Variants in SMYD1 observed in about 807,000 individuals in gnomAD.
SMYD1 encodes the protein histone-lysine N-methyltransferase SMYD1.
A neutral mutation model predicts 54.0 loss-of-function variants in SMYD1; 49 were observed. The ratio of observed to expected loss-of-function variants is 0.91; its 90% CI spans 0.72 to 1.15. SMYD1 has a LOEUF of 1.15. Ranked by LOEUF, SMYD1 falls within the 50% of genes most tolerant of loss-of-function variation. The pLI is 0.00. For synonymous variants in SMYD1, 269 were observed against 234.2 expected, an observed-to-expected ratio of 1.15 and a Z score of -1.36; for missense variants, 653 against 639.6, an observed-to-expected ratio of 1.02 and a Z score of -0.23.
At chr2:88,108,236 C>T (rs78103579) in intron 8 of SMYD1, 135 bp from the exon 9 acceptor site, 45,068 of 773,816 alleles carry the variant, frequency 0.058, 1,534 homozygotes, top group Non-Finnish European at 0.067. Flanking sequence ...TCCCCCTTGG[C>T]GGCTACAGAA....
chr2:88,097,972 A>G (rs1183279801), intron 6 of SMYD1, among the ~76,000 whole-genome samples: 3 of 152,162 alleles, frequency 2.0e-5, no homozygotes, highest in Non-Finnish European at 2.9e-5. Flanking sequence ...TTCTATAGGA[A>G]CAACCTCTTT....
At chr2:88,088,859 G>A (rs921072165) in intron 3 of SMYD1, among the ~76,000 whole-genome samples, 6 of 152,132 alleles carry the variant, frequency 3.9e-5, no homozygotes, top group South Asian at 2.1e-4. Context: ...ATAAGAGTCC[G>A]GGAAGTGGGG....
chr2:88,112,352 C>A lies in SMYD1; in HGVS notation c.*1840C>A. 1 of 578,192 alleles carries A rather than the reference C, an allele frequency of 1.7e-6. No individual in the cohort carries two copies. The highest frequency in any genetic ancestry group is 2.1e-5 in the South Asian group (1 of 47,174). The allele number at this position is 578,192 out of a possible 1,614,324, so 35.8% of individuals were successfully genotyped here. A position where few individuals can be genotyped will look rare whatever the true frequency, so the allele number is the denominator to read the frequency against. ...TTTGTTGTCTTTAACAAACTGTGTT[C>A]TGTGTCTGTGCTCCTCCTTCCCTCT... On this transcript the variant is annotated 3_prime_UTR_variant, in exon 10 of 10. Coordinates refer to ENST00000419482, the MANE Select transcript of SMYD1 (RefSeq NM_198274.4).
chr2:88,106,731 C>T (rs1340869874), intron 8 of SMYD1, among the ~76,000 whole-genome samples: 3 of 152,186 alleles, frequency 2.0e-5, no homozygotes, highest in African/African-American at 7.2e-5. Flanking sequence ...AATTCTCCAG[C>T]ACATCTATCA....
chr2:88,099,899 GCCCTC>G (rs1173268744), intron 6 of SMYD1, among the ~76,000 whole-genome samples: 1 of 147,878 alleles, frequency 6.8e-6, no homozygotes, highest in East Asian at 2.0e-4. Flanking sequence ...CTTTCATCTG[GCCCTC>G]CCCTTGTCCT....
Position 88,112,215 on chromosome 2 carries a change from C to T in SMYD1, c.*1703C>T, listed in dbSNP as rs1175061053. ...GTTCAAATTATCACTCTTTTACCTT[C>T]ATATAAAATGTCTCCCCCAAACCTT... On this transcript the variant is annotated 3_prime_UTR_variant, in exon 10 of 10. Coordinates refer to ENST00000419482, the MANE Select transcript of SMYD1 (RefSeq NM_198274.4). The T allele has an allele frequency of 1.4e-6, 1 of 694,676 alleles. No individual in the cohort carries two copies. The highest frequency in any genetic ancestry group is 2.7e-5 in the East Asian group (1 of 37,096). The allele number at this position is 694,676 out of a possible 1,614,324, so 43.0% of individuals were successfully genotyped here. A position where few individuals can be genotyped will look rare whatever the true frequency, so the allele number is the denominator to read the frequency against.
intron 6 of SMYD1, 75 bp downstream of exon 6, chr2:88,096,859 A>G (rs1674601946): frequency 6.8e-7 from 1 of 1,461,548 alleles, no homozygotes; most frequent in Non-Finnish European, 9.3e-7. Flanking sequence ...TTCACAGCTA[A>G]TCCGTGTGCC....
rs186217134 is a variant in SMYD1 at position 88,067,973 on chromosome 2, C to T, written c.109C>T (p.Arg37Trp). The T allele has an allele frequency of 5.0e-6, 8 of 1,613,662 alleles. No individual in the cohort carries two copies. The East Asian group carries it at 1.1e-4, about 22-fold the overall frequency. ...FWAADIIFAERAYSAVVFDSL... is the reference protein window; with the variant it reads ...FWAADIIFAEWAYSAVVFDSL... ...GGCTGCAGATATCATCTTTGCTGAG[C>T]GGGCTTATTCCGCAGTGGTTTTTGA... The change falls in exon 1 of 10, where the codon CGG (arginine) becomes TGG (tryptophan). Residue 37 changes from arginine (R) to tryptophan (W), a missense_variant. Transcript: ENST00000419482.
Position 88,088,023 on chromosome 2 carries a change from C to A in SMYD1, c.476C>A (p.Pro159Gln), listed in dbSNP as rs144667347. The change falls in exon 3 of 10, where the codon CCG (proline) becomes CAG (glutamine). Residue 159 changes from proline to glutamine, a missense_variant. Physicochemically the swap from Pro to Gln is moderately conservative, Grantham distance 76. Coordinates refer to ENST00000419482, the MANE Select transcript of SMYD1 (RefSeq NM_198274.4). ...GTGGACACATTCTTGCAGTACTGGC[C>A]GCCGCAGAGCCAGCAGTTCAGCATG... is the stretch of plus-strand genomic sequence containing the variant. ...VDVDTFLQYW[P>Q]PQSQQFSMQY... The A allele has an allele frequency of 6.2e-7, 1 of 1,614,096 alleles. No individual in the cohort carries two copies. Among genetic ancestry groups the A allele is most frequent in the Non-Finnish European group, 8.5e-7 (1 of 1,180,020 alleles).
At chr2:88,075,372 G>A (rs897970842) in intron 1 of SMYD1, among the ~76,000 whole-genome samples, 5 of 152,164 alleles carry the variant, frequency 3.3e-5, no homozygotes, top group South Asian at 4.1e-4. Flanking sequence ...ATGAATTGAG[G>A]GGGGTGCTTC....
intron 4 of SMYD1, among the ~76,000 whole-genome samples, chr2:88,092,463 C>A (rs1215117026): frequency 1.3e-5 from 2 of 152,216 alleles, no homozygotes; most frequent in East Asian, 3.9e-4. Context: ...GAGCCATCAA[C>A]AATGAGCAAG....
Position 88,099,300 on chromosome 2 carries a change from G to A in SMYD1, c.888+2516G>A, listed in dbSNP as rs540500090. Among the ~76,000 whole-genome samples, 22 of 152,024 alleles carry A rather than the reference G, an allele frequency of 1.4e-4. No individual in the cohort carries two copies. The South Asian group carries it at 4.6e-3, about 32-fold the overall frequency. ...GGGGTTTCACCATGTTGCCTAGGCT[G>A]GTCTCAAATTCCTGGCCTCAAGTGA... On this transcript the variant is annotated intron_variant, in intron 6 of 9. Transcript: ENST00000419482.
chr2:88,068,921 T>C (rs1673890491), intron 1 of SMYD1, among the ~76,000 whole-genome samples: 1 of 152,194 alleles, frequency 6.6e-6, no homozygotes, highest in Non-Finnish European at 1.5e-5. Context: ...AAATCCTTGA[T>C]CGTGTCTACC....
At chr2:88,098,786 C>T (rs929097415) in intron 6 of SMYD1, among the ~76,000 whole-genome samples, 2 of 152,102 alleles carry the variant, frequency 1.3e-5, no homozygotes, top group Non-Finnish European at 2.9e-5. Flanking sequence ...TAACCATTTC[C>T]TCAAGCTGGA....
intron 1 of SMYD1, among the ~76,000 whole-genome samples, chr2:88,070,684 C>T (rs1047438510): frequency 3.3e-5 from 5 of 151,922 alleles, no homozygotes; most frequent in Non-Finnish European, 7.4e-5. Context: ...TGGCTCATGT[C>T]TGTATTCCCA....
chr2:88,109,160 G>A (rs1388146957), intron 9 of SMYD1, among the ~76,000 whole-genome samples: 2 of 152,164 alleles, frequency 1.3e-5, no homozygotes, highest in Non-Finnish European at 2.9e-5. Context: ...TCTGTCCATA[G>A]TCACATAGCG....
At chr2:88,072,260 C>T (rs868689618) in intron 1 of SMYD1, among the ~76,000 whole-genome samples, 1 of 152,140 alleles carries the variant, frequency 6.6e-6, no homozygotes, top group South Asian at 2.1e-4. Context: ...AAGTGATTCT[C>T]CTGCCTCAGC....
chr2:88,073,531 G>A lies in SMYD1; in HGVS notation c.137+5530G>A, dbSNP rs146436192. ...AACTAATTTGTAGATGCTATGTTTT[G>A]GAGATCAAGGGTGTGCTCTTCTTTT... On this transcript the variant is annotated intron_variant, in intron 1 of 9. Coordinates refer to ENST00000419482, the MANE Select transcript of SMYD1 (RefSeq NM_198274.4). Among the ~76,000 whole-genome samples, 1,087 of 152,254 alleles carry A rather than the reference G, an allele frequency of 7.1e-3. 11 individuals carry two copies. The highest frequency in any genetic ancestry group is 0.025 in the African/African-American group (1,032 of 41,552).
chr2:88,108,125 C>A (rs1361254199), intron 8 of SMYD1, among the ~76,000 whole-genome samples: 3 of 152,202 alleles, frequency 2.0e-5, no homozygotes, highest in Non-Finnish European at 4.4e-5. Flanking sequence ...GTCCCTTTTT[C>A]TCACAAGGAG....
Sources: gnomAD v4.1 joint callset for allele counts (sites outside exome capture counted in the v4.1 genomes callset) on GRCh38, gnomAD v4.1.1 for gene constraint, MANE v1.5 for transcripts, NCBI Gene and HGNC (gene_info 2026-07-23, HGNC 2026-07-21) for gene names.